Variants in GMPS observed in about 807,000 individuals in gnomAD.
GMPS encodes the protein GMP synthase [glutamine-hydrolyzing].
Under a neutral mutation model 77.9 loss-of-function variants are expected in GMPS, and 15 were observed. The observed-to-expected ratio is 0.19, with a 90% CI of 0.13 to 0.30. The LOEUF (loss-of-function observed/expected upper bound fraction) is 0.30, where lower values mean the gene tolerates loss of function less well. Ranked by LOEUF, GMPS falls within the 10% of genes least tolerant of loss-of-function variation. The pLI is 1.00. For missense variants in GMPS, 590 were observed against 838.8 expected (o/e 0.70, Z 3.66); for synonymous variants, 224 against 275.9 (o/e 0.81, Z 1.86).
At chr3:155,902,080 A>G (rs1754749397) in intron 3 of GMPS, among the ~76,000 whole-genome samples, 2 of 152,188 alleles carry the variant, frequency 1.3e-5, no homozygotes, top group African/African-American at 2.4e-5. Context: ...CTGGAGTACT[A>G]TATGGCTTTC....
At chr3:155,899,884 T>G (rs1331780715) in intron 3 of GMPS, among the ~76,000 whole-genome samples, 1 of 152,212 alleles carries the variant, frequency 6.6e-6, no homozygotes, top group Non-Finnish European at 1.5e-5. Flanking sequence ...CACTTAGTAA[T>G]GTGCATTTAA....
At chr3:155,875,076 A>G (rs1287228806) in intron 1 of GMPS, among the ~76,000 whole-genome samples, 1 of 151,534 alleles carries the variant, frequency 6.6e-6, no homozygotes, top group Non-Finnish European at 1.5e-5. Flanking sequence ...GTGCCACCAC[A>G]TACGGCTAAT....
intron 14 of GMPS, 35 bp from the exon 15 acceptor site, chr3:155,936,303 G>A: frequency 7.0e-7 from 1 of 1,423,910 alleles, no homozygotes; most frequent in Non-Finnish European, 9.9e-7. Context: ...CTTTTCTATG[G>A]TGTGGTGATT....
At position 155,922,210 on chromosome 3, in the gene GMPS, A is replaced by G; in HGVS notation, c.1342A>G (p.Ile448Val). ...AGGTCCTGGCCTGGCAATCAGAGTAATATGTGCTGAAGAACCTTATATTTG... is the reference window on the plus strand; with the variant it reads ...AGGTCCTGGCCTGGCAATCAGAGTAGTATGTGCTGAAGAACCTTATATTTG... ...FPGPGLAIRV[I>V]CAEEPYICKD... The change falls in exon 11 of 16, where the codon ATA becomes GTA. Residue 448 changes from isoleucine to valine, a missense_variant. By Grantham distance (29) the Ile-to-Val change is conservative (BLOSUM62 3). Coordinates refer to ENST00000496455, the MANE Select transcript of GMPS (RefSeq NM_003875.3). 1.9e-6 allele frequency: 3 copies of G among 1,542,190 alleles called. No individual in the cohort carries two copies. The highest frequency in any genetic ancestry group is 2.6e-6 in the Non-Finnish European group (3 of 1,135,948).
chr3:155,912,047 C>A (rs1305699419), intron 7 of GMPS, among the ~76,000 whole-genome samples: 7 of 151,644 alleles, frequency 4.6e-5, no homozygotes, highest in African/African-American at 1.2e-4. Flanking sequence ...TTTGTAGATA[C>A]CTTTTATACT....
chr3:155,879,661 T>G (rs998964058), intron 1 of GMPS, among the ~76,000 whole-genome samples: 2 of 152,104 alleles, frequency 1.3e-5, no homozygotes, highest in African/African-American at 4.8e-5. Flanking sequence ...GTTATGTGCA[T>G]TTTTTCATGT....
At chr3:155,935,489 C>G (rs978595371) in intron 14 of GMPS, among the ~76,000 whole-genome samples, 5 of 152,224 alleles carry the variant, frequency 3.3e-5, no homozygotes, top group Non-Finnish European at 5.9e-5. Context: ...GCGTGAGCCA[C>G]TGCACCTGGC....
At chr3:155,917,382 T>TA (rs1303424735) in intron 9 of GMPS, among the ~76,000 whole-genome samples, 1 of 152,174 alleles carries the variant, frequency 6.6e-6, no homozygotes, top group East Asian at 1.9e-4. Flanking sequence ...CTATACCCGT[T>TA]AAAAAACAAC....
chr3:155,937,266 A>G (rs1477949921), intron 15 of GMPS, among the ~76,000 whole-genome samples: 3 of 152,232 alleles, frequency 2.0e-5, no homozygotes, highest in Non-Finnish European at 2.9e-5. Context: ...ACATGCTTGG[A>G]TGCCACAGCA....
At chr3:155,884,916 T>A (rs937738999) in intron 1 of GMPS, among the ~76,000 whole-genome samples, 1 of 152,216 alleles carries the variant, frequency 6.6e-6, no homozygotes, top group African/African-American at 2.4e-5. Context: ...GGTGCCCACA[T>A]GAACTTGAAA....
rs1271116476 is a variant in GMPS, at chr3:155,939,089, A to G, written c.*1397A>G. The G allele has an allele frequency of 4.6e-5, 10 of 217,894 alleles. No individual in the cohort carries two copies. In the South Asian group the frequency reaches 9.3e-4, roughly 20 times the overall value. The allele number at this position is 217,894 out of a possible 1,614,324, so 13.5% of individuals were successfully genotyped here. A position where few individuals can be genotyped will look rare whatever the true frequency, so the allele number is the denominator to read the frequency against. ...TTTATTCTGGCTGGTCCAGGGAACA[A>G]GAAAACTGCTGCTGGACCAGCAAGG... On this transcript the variant is annotated 3_prime_UTR_variant, in exon 16 of 16. Transcript: ENST00000496455.
chr3:155,936,893 C>T (rs1755778823), intron 15 of GMPS, among the ~76,000 whole-genome samples: 1 of 152,138 alleles, frequency 6.6e-6, no homozygotes, highest in Non-Finnish European at 1.5e-5. Context: ...TAAATGTTCT[C>T]CCTACTACCA....
rs190941262 is a variant in GMPS at position 155,918,754 on chromosome 3, T to A, written c.1213-479T>A. 3.4e-3 allele frequency among the ~76,000 whole-genome samples: 511 copies of A among 152,346 alleles called. 3 individuals carry two copies. The highest frequency in any genetic ancestry group is 4.0e-3 in the Non-Finnish European group (271 of 68,026). ...GCCTAGTACCCATTAGCTTTGCTTA[T>A]TTTTTAATTGACTTATTTATTTTTT... On this transcript the variant is annotated intron_variant, in intron 9 of 15. Transcript: ENST00000496455.
At chr3:155,931,737 A>C in intron 12 of GMPS, 28 bp from the exon 13 acceptor site, 1 of 961,806 alleles carries the variant, frequency 1.0e-6, no homozygotes, top group Non-Finnish European at 1.7e-6. Flanking sequence ...TGACTATTAA[A>C]AATTATTGAT....
Position 155,940,663 on chromosome 3 carries a change from A to G in GMPS, c.*2971A>G. 1 of 221,804 alleles carries G rather than the reference A, an allele frequency of 4.5e-6. No individual in the cohort carries two copies. Among genetic ancestry groups the G allele is most frequent in the East Asian group, 6.6e-5 (1 of 15,122 alleles). The allele number at this position is 221,804 out of a possible 1,614,324, so 13.7% of individuals were successfully genotyped here. On this transcript the variant is annotated 3_prime_UTR_variant, in exon 16 of 16. Coordinates refer to ENST00000496455, the MANE Select transcript of GMPS (RefSeq NM_003875.3). ...GAGGTAACTGTATTAAATTTTCAGC[A>G]TCAAATCCAGCTATAAATTTGTATT...
chr3:155,907,027 A>G (rs2108095954), intron 5 of GMPS, among the ~76,000 whole-genome samples: 1 of 152,336 alleles, frequency 6.6e-6, no homozygotes, highest in East Asian at 1.9e-4. Context: ...TTGAGATACC[A>G]CACCTAAATA....
At chr3:155,901,380 A>G (rs966575007) in intron 3 of GMPS, among the ~76,000 whole-genome samples, 3 of 152,150 alleles carry the variant, frequency 2.0e-5, no homozygotes, top group African/African-American at 7.2e-5. Flanking sequence ...GTTTGAATAT[A>G]GCATGTTACT....
chr3:155,882,316 A>G (rs958642000), intron 1 of GMPS, among the ~76,000 whole-genome samples: 2 of 152,352 alleles, frequency 1.3e-5, no homozygotes, highest in African/African-American at 4.8e-5. Flanking sequence ...AGTGAAGAAT[A>G]TAATGATCCC....
At chr3:155,923,299 A>C (rs1206499191) in intron 11 of GMPS, among the ~76,000 whole-genome samples, 2 of 152,200 alleles carry the variant, frequency 1.3e-5, no homozygotes, top group South Asian at 4.1e-4. Flanking sequence ...AGGACAAATC[A>C]TCATAAAGAA....
Sources: allele counts gnomAD v4.1 joint callset (sites outside exome capture counted in the v4.1 genomes callset), GRCh38; gene constraint gnomAD v4.1.1; transcripts MANE v1.5; gene names NCBI Gene and HGNC (gene_info 2026-07-23, HGNC 2026-07-21).